The following CNBD1 variants were observed in gnomAD, a reference collection of about 807,000 sequenced individuals.
CNBD1 encodes cyclic nucleotide binding domain containing 1.
CNBD1 carries 71 observed loss-of-function variants against 54.4 expected under a neutral mutation model. The observed-to-expected ratio is 1.30, with a 90% CI of 1.08 to 1.59. CNBD1 has a LOEUF of 1.59. CNBD1 is among the 40% of genes most tolerant of loss of function. The pLI, the probability that CNBD1 is intolerant of heterozygous loss-of-function variation, is 0.00. For missense variants in CNBD1, 659 were observed against 518.0 expected, an observed-to-expected ratio of 1.27 and a Z score of -2.64; for synonymous variants, 182 against 170.7, an observed-to-expected ratio of 1.07 and a Z score of -0.51.
At chr8:86,926,187 A>C (rs955809033) in intron 3 of CNBD1, among the ~76,000 whole-genome samples, 1 of 152,116 alleles carries the variant, frequency 6.6e-6, no homozygotes, top group African/African-American at 2.4e-5. Context: ...TTGACCCAGG[A>C]AGTCCAGCTG....
At chr8:87,031,646 G>A (rs767964089) in intron 4 of CNBD1, among the ~76,000 whole-genome samples, 7 of 152,054 alleles carry the variant, frequency 4.6e-5, no homozygotes, top group African/African-American at 9.7e-5. Flanking sequence ...ATTCCTGTTC[G>A]TTGGCCCCAG....
chr8:86,899,877 G>A (rs1808906422), intron 2 of CNBD1, among the ~76,000 whole-genome samples: 1 of 152,102 alleles, frequency 6.6e-6, no homozygotes, highest in Non-Finnish European at 1.5e-5. Context: ...AAAGATGGCT[G>A]GGCTCCCCTC....
At chr8:87,176,169 T>C (rs531964188) in intron 4 of CNBD1, among the ~76,000 whole-genome samples, 55 of 152,312 alleles carry the variant, frequency 3.6e-4, no homozygotes, top group Non-Finnish European at 6.0e-4. Flanking sequence ...CAATATGAAG[T>C]TAAAACCAGG....
intron 8 of CNBD1, among the ~76,000 whole-genome samples, chr8:87,325,643 T>G (rs1304441241): frequency 7.4e-6 from 1 of 135,822 alleles, no homozygotes; most frequent in African/African-American, 2.9e-5. Flanking sequence ...TTTTTTTGTT[T>G]TCCATTTGCT....
At position 87,170,684 on chromosome 8, in the gene CNBD1, T is replaced by A. The variant is rs191043085; in HGVS notation, c.432-35309T>A. Among the ~76,000 whole-genome samples, 441 of 152,302 alleles carry A rather than the reference T, an allele frequency of 2.9e-3. 4 individuals are homozygous for A. The highest frequency in any genetic ancestry group is 9.9e-3 in the African/African-American group (412 of 41,576). ...AGGCATGTTCTTTCTATACCCAGTT[T>A]CCTTGTATACCCAGCTTTTTGAGTA... On this transcript the variant is annotated intron_variant, in intron 4 of 10. Coordinates refer to ENST00000518476, the MANE Select transcript of CNBD1 (RefSeq NM_173538.3).
chr8:87,303,621 G>T (rs1412739784), intron 8 of CNBD1, among the ~76,000 whole-genome samples: 2 of 149,578 alleles, frequency 1.3e-5, no homozygotes, highest in African/African-American at 5.1e-5. Context: ...GACAACAAAA[G>T]CCAAAATTGA....
At chr8:87,357,690 T>C (rs1210791436) in intron 10 of CNBD1, among the ~76,000 whole-genome samples, 2 of 152,168 alleles carry the variant, frequency 1.3e-5, no homozygotes, top group Non-Finnish European at 2.9e-5. Context: ...CTTTGGACTT[T>C]TGAGTTGATG....
At chr8:87,126,559 A>G (rs938225738) in intron 4 of CNBD1, among the ~76,000 whole-genome samples, 1 of 152,024 alleles carries the variant, frequency 6.6e-6, no homozygotes, top group Admixed American at 6.6e-5. Flanking sequence ...CCTTTATCAA[A>G]TATGTAATTT....
At chr8:86,887,753 G>A in intron 2 of CNBD1, 142 bp downstream of exon 2, 1 of 580,332 alleles carries the variant, frequency 1.7e-6, no homozygotes, top group Non-Finnish European at 3.0e-6. Context: ...TGAAAACCTG[G>A]GGGTTATTTC....
intron 5 of CNBD1, among the ~76,000 whole-genome samples, chr8:87,232,310 A>G (rs1260230958): frequency 2.0e-5 from 3 of 152,180 alleles, no homozygotes; most frequent in Admixed American, 1.3e-4. Flanking sequence ...TTACTGGGAC[A>G]TACGTTAGAT....
chr8:86,983,240 A>G (rs913808588), intron 4 of CNBD1, among the ~76,000 whole-genome samples: 1 of 152,060 alleles, frequency 6.6e-6, no homozygotes, highest in Non-Finnish European at 1.5e-5. Flanking sequence ...TCCCTGCACA[A>G]TCTCTCTTCT....
chr8:87,049,569 A>G (rs1016424392), intron 4 of CNBD1, among the ~76,000 whole-genome samples: 5 of 152,126 alleles, frequency 3.3e-5, no homozygotes, highest in African/African-American at 1.2e-4. Flanking sequence ...ATCTGTGAAG[A>G]CAGTCCAATC....
chr8:87,090,578 C>T (rs1811184880), intron 4 of CNBD1, among the ~76,000 whole-genome samples: 1 of 152,132 alleles, frequency 6.6e-6, no homozygotes, highest in Non-Finnish European at 1.5e-5. Flanking sequence ...TAGTAGAAGA[C>T]TTGGTTTTTC....
At chr8:87,341,076 G>A (rs1463996491) in intron 8 of CNBD1, among the ~76,000 whole-genome samples, 1 of 152,018 alleles carries the variant, frequency 6.6e-6, no homozygotes, top group Non-Finnish European at 1.5e-5. Context: ...GAGATTCTTT[G>A]GGCTTCTCAA....
chr8:86,901,913 G>A (rs987436057), intron 2 of CNBD1, among the ~76,000 whole-genome samples: 5 of 152,080 alleles, frequency 3.3e-5, no homozygotes, highest in African/African-American at 4.8e-5. Context: ...ACTGTATGAC[G>A]TGTTACTTCC....
At chr8:87,378,471 T>C (rs1404958216) in intron 10 of CNBD1, among the ~76,000 whole-genome samples, 1 of 151,102 alleles carries the variant, frequency 6.6e-6, no homozygotes, top group Non-Finnish European at 1.5e-5. Flanking sequence ...TGTAGATATG[T>C]GGCATTATTT....
chr8:87,124,644 G>A, intron 4 of CNBD1, among the ~76,000 whole-genome samples: 1 of 151,634 alleles, frequency 6.6e-6, no homozygotes, highest in Non-Finnish European at 1.5e-5. Flanking sequence ...TATAGAGGGA[G>A]TGTACCTCAA....
At chr8:87,155,343 A>G (rs1812692284) in intron 4 of CNBD1, among the ~76,000 whole-genome samples, 1 of 152,184 alleles carries the variant, frequency 6.6e-6, no homozygotes, top group Non-Finnish European at 1.5e-5. Context: ...TGACATTGCC[A>G]GATTTGCATT....
At chr8:87,344,908 A>G (rs894726707) in intron 8 of CNBD1, among the ~76,000 whole-genome samples, 1 of 152,154 alleles carries the variant, frequency 6.6e-6, no homozygotes, top group African/African-American at 2.4e-5. Context: ...TAATATTTAA[A>G]TGGACAGTTA....
Sources: allele counts gnomAD v4.1 joint callset (sites outside exome capture counted in the v4.1 genomes callset), GRCh38; gene constraint gnomAD v4.1.1; transcripts MANE v1.5; gene names NCBI Gene and HGNC (gene_info 2026-07-23, HGNC 2026-07-21).